The following FRMPD3 variants were observed in gnomAD, a reference collection of about 807,000 sequenced individuals.
FRMPD3 encodes the protein FERM and PDZ domain-containing protein 3.
FRMPD3 carries 42 observed loss-of-function variants against 97.9 expected under a neutral mutation model. That is an observed-to-expected ratio of 0.43 (90% CI 0.34 to 0.55). FRMPD3 has a LOEUF of 0.55. Among genes scored for constraint, FRMPD3 ranks in the 20% least tolerant of loss-of-function variants. FRMPD3 has a pLI of 0.03. For missense variants in FRMPD3, 1,303 were observed against 1,457.7 expected (o/e 0.89, Z 1.73); for synonymous variants, 577 against 581.1 (o/e 0.99, Z 0.10).
At chrX:107,567,812 A>T (rs931977718) in intron 12 of FRMPD3, among the ~76,000 whole-genome samples, 15 of 111,130 alleles carry the variant, frequency 1.3e-4, no homozygotes, top group African/African-American at 4.6e-4. Flanking sequence ...AGGGTGCAAG[A>T]TGGGGGAGAG....
intron 2 of FRMPD3, among the ~76,000 whole-genome samples, chrX:107,527,909 T>C (rs1209672479): frequency 9.0e-6 from 1 of 111,503 alleles, no homozygotes; most frequent in East Asian, 2.8e-4. Flanking sequence ...GAGTCAGCCA[T>C]GCAGTTTGGC....
Position 107,603,592 on chromosome X carries a change from C to G in FRMPD3, c.*219C>G. The G allele has an allele frequency of 1.6e-6, 1 of 619,592 alleles. No individual in the cohort carries two copies. The highest frequency in any genetic ancestry group is 2.3e-6 in the Non-Finnish European group (1 of 434,172). 51.1% of individuals were successfully genotyped at this position (619,592 alleles called of 1,213,427 possible). The stretch of plus-strand genomic sequence containing the variant: ...GGTGTCCTCACCCCTTCCCTGGCCT[C>G]TGGGCCTCACTGTGAGGGCAAAGGC... On this transcript the variant is annotated 3_prime_UTR_variant, in exon 15 of 15. Coordinates refer to ENST00000683843, the MANE Select transcript of FRMPD3 (RefSeq NM_001388459.1).
In FRMPD3 at chrX:107,603,247, ACAG is replaced by A. The variant is rs762632019; in HGVS notation, c.5227_5229del (p.Gln1743del). ...AACAACAACAGCAGCAGCAACAACA[ACAG>A]CAGCAGCAGCAGCAGCAGGTGGCAG... On this transcript the variant is annotated inframe_deletion, in exon 15 of 15. Coordinates refer to ENST00000683843, the MANE Select transcript of FRMPD3 (RefSeq NM_001388459.1). 1.4e-4 allele frequency: 148 copies of A among 1,089,987 alleles called. 1 individual carries two copies. Among genetic ancestry groups the A allele is most frequent in the Middle Eastern group, 2.4e-4 (1 of 4,099 alleles). The allele number at this position is 1,089,987 out of a possible 1,213,427, so 89.8% of individuals were successfully genotyped here.
At chrX:107,553,886 T>A (rs1376916378) in intron 7 of FRMPD3, among the ~76,000 whole-genome samples, 3 of 112,341 alleles carry the variant, frequency 2.7e-5, no homozygotes, top group African/African-American at 9.7e-5. Context: ...AGGAGGAATA[T>A]AGTATCATTA....
At chrX:107,565,971 G>A (rs1001999179) in intron 12 of FRMPD3, among the ~76,000 whole-genome samples, 1 of 112,293 alleles carries the variant, frequency 8.9e-6, no homozygotes, top group Admixed American at 9.4e-5. Flanking sequence ...AGAACAGAGG[G>A]GGCCTGGGAA....
intron 1 of FRMPD3, chrX:107,513,118 C>G (rs982532590): frequency 8.9e-6 from 1 of 111,951 alleles, no homozygotes; most frequent in Admixed American, 9.5e-5. Flanking sequence ...CAAGGTGACT[C>G]CAGGTTTCCA....
intron 5 of FRMPD3, among the ~76,000 whole-genome samples, chrX:107,547,237 G>A (rs1203108755): frequency 1.8e-5 from 2 of 111,622 alleles, no homozygotes; most frequent in African/African-American, 6.5e-5. Flanking sequence ...GTATGACTTG[G>A]ATTTGGTAAG....
intron 1 of FRMPD3, among the ~76,000 whole-genome samples, chrX:107,490,014 A>G (rs1345645350): frequency 3.6e-5 from 4 of 111,944 alleles, no homozygotes; most frequent in Non-Finnish European, 7.5e-5. Context: ...TAATTTTTGT[A>G]TAAGGTGTAA....
chrX:107,601,405 C>T lies in FRMPD3; in HGVS notation c.3366C>T (p.Ser1122=), dbSNP rs1054501860. The change falls in exon 15 of 15, where the codon AGC becomes AGT. Residue 1122 remains serine, a synonymous_variant. Coordinates refer to ENST00000683843, the MANE Select transcript of FRMPD3 (RefSeq NM_001388459.1). The part of the protein sequence containing the change: ...TPKRSKLEET[S]LVPRATYPMA... ...AAAGAAGCAAGCTCGAAGAGACCAG[C>T]CTGGTTCCCCGAGCTACCTACCCCA... 158 of 1,195,860 alleles carry T rather than the reference C, an allele frequency of 1.3e-4. No homozygotes were observed. Among genetic ancestry groups the T allele is most frequent in the Non-Finnish European group, 1.7e-4 (149 of 888,589 alleles).
intron 1 of FRMPD3, among the ~76,000 whole-genome samples, chrX:107,478,727 C>T (rs1373486574): frequency 3.6e-5 from 4 of 112,043 alleles, no homozygotes; most frequent in African/African-American, 1.3e-4. Flanking sequence ...TGCAATCATA[C>T]AGAAATTGAT....
rs774389439 is a variant in FRMPD3, at chrX:107,560,248, C to G, written c.763-9C>G. The G allele has an allele frequency of 4.0e-5, 48 of 1,203,891 alleles. No individual in the cohort carries two copies. The highest frequency in any genetic ancestry group is 7.1e-5 in the South Asian group (4 of 56,453). ...TCAGCTGATAGGTTTGGACTGCCCT[C>G]TCTCACAGAGTCGGAATGATGTTAT... On this transcript the variant is annotated splice_polypyrimidine_tract_variant and intron_variant, in intron 8 of 14. Coordinates refer to ENST00000683843, the MANE Select transcript of FRMPD3 (RefSeq NM_001388459.1).
At chrX:107,551,539 T>C (rs750195316) in intron 6 of FRMPD3, among the ~76,000 whole-genome samples, 7 of 112,198 alleles carry the variant, frequency 6.2e-5, no homozygotes, top group Non-Finnish European at 1.1e-4. Context: ...AGCGCCATTG[T>C]GGCTTCCAGG....
At chrX:107,569,709 A>G (rs1922790031) in intron 12 of FRMPD3, among the ~76,000 whole-genome samples, 1 of 112,253 alleles carries the variant, frequency 8.9e-6, no homozygotes, top group Admixed American at 9.4e-5. Context: ...AATGCTACAA[A>G]TTACTACTTG....
In FRMPD3 at chrX:107,472,410, C is replaced by T. The variant is rs980532426; in HGVS notation, c.-8+22405C>T. Among the ~76,000 whole-genome samples, 16 of 111,132 alleles carry T rather than the reference C, an allele frequency of 1.4e-4. No homozygotes were observed. In the South Asian group the frequency reaches 2.7e-3, roughly 19 times the overall value. On this transcript the variant is annotated intron_variant, in intron 1 of 14. Coordinates refer to ENST00000683843, the MANE Select transcript of FRMPD3 (RefSeq NM_001388459.1). ...ATGGTATTGCCTAGGTTTTCTTCTA[C>T]GGTTTTTATGATTTAGGGTTTTACA...
intron 13 of FRMPD3, 131 bp downstream of exon 13, chrX:107,576,590 T>G: frequency 2.9e-6 from 2 of 680,980 alleles, no homozygotes; most frequent in Non-Finnish European, 4.4e-6. Flanking sequence ...GAGCCAACAC[T>G]GTACCACTAT....
chrX:107,456,438 CTT>C lies in FRMPD3; in HGVS notation c.-8+6435_-8+6436del, dbSNP rs751789913. 9.5e-4 allele frequency among the ~76,000 whole-genome samples: 107 copies of C among 112,118 alleles called. 1 individual carries two copies. In the East Asian group the frequency reaches 0.025, roughly 26 times the overall value. ...TATCCACATTAACTAGTTATCAGGA[CTT>C]TGCCATGTTTGCTTCACCTATCATG... On this transcript the variant is annotated intron_variant, in intron 1 of 14. Coordinates refer to ENST00000683843, the MANE Select transcript of FRMPD3 (RefSeq NM_001388459.1).
In FRMPD3 at chrX:107,603,561, G is replaced by A. The variant is rs1437481859; in HGVS notation, c.*188G>A. ...CTTAAGGGCTGCAGGCTTAGCTGCC[G>A]CCCTGGGTGTCCTCACCCCTTCCCT... On this transcript the variant is annotated 3_prime_UTR_variant, in exon 15 of 15. Transcript: ENST00000683843. 3.0e-5 allele frequency: 27 copies of A among 905,167 alleles called. No individual in the cohort carries two copies. In the East Asian group the frequency reaches 7.1e-4, roughly 24 times the overall value. The allele number at this position is 905,167 out of a possible 1,213,427, so 74.6% of individuals were successfully genotyped here.
At chrX:107,583,242 C>T (rs1451208710) in intron 13 of FRMPD3, among the ~76,000 whole-genome samples, 1 of 109,429 alleles carries the variant, frequency 9.1e-6, no homozygotes, top group African/African-American at 3.3e-5. Flanking sequence ...TCCCCTCGCT[C>T]CCCCACCCCC....
chrX:107,525,765 G>A, intron 1 of FRMPD3: 1 of 495,303 alleles, frequency 2.0e-6, no homozygotes, highest in Non-Finnish European at 3.6e-6. Context: ...AACTTAAGAT[G>A]TATTCAAGTT....
Sources: gnomAD v4.1 joint callset for allele counts (sites outside exome capture counted in the v4.1 genomes callset) on GRCh38, gnomAD v4.1.1 for gene constraint, MANE v1.5 for transcripts, NCBI Gene and HGNC (gene_info 2026-07-23, HGNC 2026-07-21) for gene names.